The following MDFIC2 variants were observed in gnomAD, a reference collection of about 807,000 sequenced individuals.
MDFIC2 encodes the protein myoD family inhibitor domain-containing protein 2.
At chr3:70,283,581 A>G (rs550840226) in intron 2 of MDFIC2, 4 of 152,062 alleles carry the variant, frequency 2.6e-5, no homozygotes, top group Non-Finnish European at 5.9e-5. Context: ...CATCTATACA[A>G]TGAGCTTGGT....
chr3:70,243,221 C>T (rs946631822), intron 2 of MDFIC2, among the ~76,000 whole-genome samples: 1 of 152,102 alleles, frequency 6.6e-6, no homozygotes, highest in Non-Finnish European at 1.5e-5. Flanking sequence ...GGGGCTGTGA[C>T]ACAATTTTCT....
intron 2 of MDFIC2, among the ~76,000 whole-genome samples, chr3:70,285,938 A>T (rs1702157765): frequency 6.6e-6 from 1 of 150,772 alleles, no homozygotes; most frequent in African/African-American, 2.4e-5. Flanking sequence ...GTTTGAGTTC[A>T]TTGTAGATTC....
chr3:70,269,676 G>A (rs1170698286), intron 2 of MDFIC2, among the ~76,000 whole-genome samples: 2 of 152,108 alleles, frequency 1.3e-5, no homozygotes, highest in African/African-American at 2.4e-5. Context: ...AGCAGAAAAT[G>A]TACTAGCTAT....
chr3:70,236,663 A>G lies in MDFIC2; in HGVS notation c.89-29873T>C, dbSNP rs556110299. On this transcript the variant is annotated intron_variant, in intron 2 of 3. Transcript: ENST00000567252. ...CAGGCTGGAGTGCAGCGGCACAATCATGGCTCGCTGCAGTCTCAACCTCCC... is the reference window on the plus strand; with the variant it reads ...CAGGCTGGAGTGCAGCGGCACAATCGTGGCTCGCTGCAGTCTCAACCTCCC... Among the ~76,000 whole-genome samples, 7 of 152,128 alleles carry G rather than the reference A, an allele frequency of 4.6e-5. No homozygotes were observed. In the South Asian group the frequency reaches 1.5e-3, roughly 32 times the overall value.
chr3:70,270,252 T>G (rs1270581117), intron 2 of MDFIC2, among the ~76,000 whole-genome samples: 1 of 152,196 alleles, frequency 6.6e-6, no homozygotes, highest in Non-Finnish European at 1.5e-5. Context: ...TCTTTCAAGT[T>G]TCTAAGGTAC....
At chr3:70,250,711 C>T (rs543171188) in intron 2 of MDFIC2, among the ~76,000 whole-genome samples, 1 of 152,252 alleles carries the variant, frequency 6.6e-6, no homozygotes, top group African/African-American at 2.4e-5. Flanking sequence ...AGAGTTTCCA[C>T]TGGCAATTCT....
Position 70,265,743 on chromosome 3 carries a change from A to C in MDFIC2, c.88+46143T>G, listed in dbSNP as rs151020572. Among the ~76,000 whole-genome samples, 118 of 152,358 alleles carry C rather than the reference A, an allele frequency of 7.7e-4. 1 individual carries two copies. The highest frequency in any genetic ancestry group is 3.1e-3 in the South Asian group (15 of 4,832). ...CAAAGAAAAAAGGTTTAATTGACTC[A>C]CAGTTCAGCATGGCTGGGGAAGCCT... On this transcript the variant is annotated intron_variant, in intron 2 of 3. Transcript: ENST00000567252.
chr3:70,212,697 G>A (rs80331121), intron 2 of MDFIC2, among the ~76,000 whole-genome samples: 9 of 152,056 alleles, frequency 5.9e-5, no homozygotes, highest in South Asian at 2.1e-4. Context: ...TATTCTTCTC[G>A]TCATATTAGT....
intron 2 of MDFIC2, among the ~76,000 whole-genome samples, chr3:70,256,355 A>T (rs1701816215): frequency 6.6e-6 from 1 of 152,202 alleles, no homozygotes. Context: ...CTTCCCTATG[A>T]TGATCTATTA....
intron 2 of MDFIC2, among the ~76,000 whole-genome samples, chr3:70,212,024 CCTCTTAGTTTCTTT>C (rs1408568522): frequency 6.6e-6 from 1 of 151,936 alleles, no homozygotes; most frequent in African/African-American, 2.4e-5. Flanking sequence ...AAGACTTTGT[CCTCTTAGTTTCTTT>C]CTTCCTACCC....
chr3:70,247,635 T>C (rs1458906397), intron 2 of MDFIC2, among the ~76,000 whole-genome samples: 1 of 151,990 alleles, frequency 6.6e-6, no homozygotes, highest in African/African-American at 2.4e-5. Context: ...TCAGAATTTA[T>C]GACTCTAATA....
At chr3:70,284,733 T>G (rs1337370706) in intron 2 of MDFIC2, among the ~76,000 whole-genome samples, 1 of 152,146 alleles carries the variant, frequency 6.6e-6, no homozygotes, top group Middle Eastern at 3.4e-3. Context: ...CAACACACAC[T>G]GGGGCCTATT....
chr3:70,200,652 T>G (rs1197673145), intron 3 of MDFIC2, among the ~76,000 whole-genome samples: 1 of 152,210 alleles, frequency 6.6e-6, no homozygotes, highest in Non-Finnish European at 1.5e-5. Context: ...GGCATGAAAC[T>G]AATTAGTTTG....
Position 70,195,181 on chromosome 3 carries a change from C to T in MDFIC2, c.*1745G>A, listed in dbSNP as rs1701163648. Among the ~76,000 whole-genome samples, 1 of 152,158 alleles carries T rather than the reference C, an allele frequency of 6.6e-6. No individual in the cohort carries two copies. The highest frequency in any genetic ancestry group is 2.4e-5 in the African/African-American group (1 of 41,448). On this transcript the variant is annotated 3_prime_UTR_variant, in exon 4 of 4. Transcript: ENST00000567252. Reference sequence around the variant, plus strand: ...GAAATATAAAAAGGTTGCATAAGAACAGCCTTATGTTCCCTTCCTGTTCTA... The same window carrying T: ...GAAATATAAAAAGGTTGCATAAGAATAGCCTTATGTTCCCTTCCTGTTCTA...
intron 2 of MDFIC2, among the ~76,000 whole-genome samples, chr3:70,248,286 T>C (rs796508643): frequency 1.3e-5 from 2 of 152,190 alleles, no homozygotes; most frequent in African/African-American, 2.4e-5. Flanking sequence ...TCTAAATAGA[T>C]TGCAGGAATG....
chr3:70,244,030 T>C (rs949816989), intron 2 of MDFIC2, among the ~76,000 whole-genome samples: 1 of 152,194 alleles, frequency 6.6e-6, no homozygotes, highest in Non-Finnish European at 1.5e-5. Context: ...TTGACTCACA[T>C]ATGGAAGATT....
chr3:70,207,184 C>A (rs1701299348), intron 2 of MDFIC2, among the ~76,000 whole-genome samples: 1 of 151,896 alleles, frequency 6.6e-6, no homozygotes, highest in Non-Finnish European at 1.5e-5. Flanking sequence ...GGCAATACTG[C>A]TGAGTTATTC....
At chr3:70,204,683 T>G (rs1701273914) in intron 3 of MDFIC2, 2 of 151,932 alleles carry the variant, frequency 1.3e-5, no homozygotes, top group South Asian at 4.1e-4. Flanking sequence ...ATGGGGCTCT[T>G]GAGTGTCAGT....
intron 2 of MDFIC2, among the ~76,000 whole-genome samples, chr3:70,295,379 C>T (rs574316186): frequency 8.5e-5 from 13 of 152,214 alleles, no homozygotes; most frequent in Non-Finnish European, 1.5e-4. Context: ...AAACTCAACC[C>T]TTTGACTGAA....
Sources: gnomAD v4.1 joint callset for allele counts (sites outside exome capture counted in the v4.1 genomes callset) on GRCh38, gnomAD v4.1.1 for gene constraint, MANE v1.5 for transcripts, NCBI Gene and HGNC (gene_info 2026-07-23, HGNC 2026-07-21) for gene names.